The following DGKI variants were observed in gnomAD, a reference collection of about 807,000 sequenced individuals.
The protein encoded by DGKI is diacylglycerol kinase iota.
Under a neutral mutation model 147.5 loss-of-function variants are expected in DGKI, and 55 were observed. The ratio of observed to expected loss-of-function variants is 0.37; its 90% CI spans 0.30 to 0.47. The LOEUF (loss-of-function observed/expected upper bound fraction) is 0.47, where lower values mean the gene tolerates loss of function less well. DGKI is among the 20% of genes least tolerant of loss of function. The pLI, the probability that DGKI is intolerant of heterozygous loss-of-function variation, is 1.00. For synonymous variants in DGKI, 469 were observed against 477.1 expected (o/e 0.98, Z 0.22); for missense variants, 1,007 against 1,323.8 (o/e 0.76, Z 3.71).
At chr7:137,392,759 T>A (rs1439036972) in intron 32 of DGKI, among the ~76,000 whole-genome samples, 2 of 152,202 alleles carry the variant, frequency 1.3e-5, no homozygotes, top group African/African-American at 2.4e-5. Flanking sequence ...AGGTTCCAAA[T>A]ATTCAGAGAG....
chr7:137,577,380 T>C (rs1281540954), intron 16 of DGKI, 96 bp from the exon 17 acceptor site: 2 of 870,220 alleles, frequency 2.3e-6, no homozygotes, highest in East Asian at 2.6e-5. Flanking sequence ...TTCCAAAGTA[T>C]GCAAAAATTC....
chr7:137,550,858 A>G (rs1818021806), intron 20 of DGKI, among the ~76,000 whole-genome samples: 1 of 152,166 alleles, frequency 6.6e-6, no homozygotes, highest in Non-Finnish European at 1.5e-5. Context: ...AGTTTCAGAG[A>G]TGGTTTTTCA....
intron 12 of DGKI, among the ~76,000 whole-genome samples, chr7:137,596,934 T>C (rs1046392583): frequency 6.6e-6 from 1 of 152,196 alleles, no homozygotes; most frequent in Non-Finnish European, 1.5e-5. Context: ...GTAGATCCTA[T>C]GAGATCAGAT....
chr7:137,413,220 C>T (rs1399008361), intron 28 of DGKI, among the ~76,000 whole-genome samples: 6 of 146,044 alleles, frequency 4.1e-5, no homozygotes, highest in Admixed American at 1.4e-4. Flanking sequence ...GAGCGGAGAT[C>T]GCGCCACTGC....
rs188517403 is a variant in DGKI at position 137,440,528 on chromosome 7, T to C, written c.2761+3549A>G. 1.4e-3 allele frequency among the ~76,000 whole-genome samples: 207 copies of C among 152,338 alleles called. 3 individuals carry two copies. The highest frequency in any genetic ancestry group is 6.8e-3 in the Middle Eastern group (2 of 294). Reference sequence around the variant, plus strand: ...TCATGTCTTTGGTTTTCCAGGGACATGGCCGATAAAAGAGAGTTAAGAGTT... The same window carrying C: ...TCATGTCTTTGGTTTTCCAGGGACACGGCCGATAAAAGAGAGTTAAGAGTT... On this transcript the variant is annotated intron_variant, in intron 28 of 32. Coordinates refer to ENST00000614521, the MANE Select transcript of DGKI (RefSeq NM_001321708.2).
intron 15 of DGKI, among the ~76,000 whole-genome samples, chr7:137,579,357 T>C (rs1005752800): frequency 3.3e-5 from 5 of 151,888 alleles, no homozygotes; most frequent in African/African-American, 1.2e-4. Context: ...CTTATCCTGT[T>C]TTTTCTTCTA....
At chr7:137,457,375 T>A (rs1814245651) in intron 27 of DGKI, among the ~76,000 whole-genome samples, 1 of 152,234 alleles carries the variant, frequency 6.6e-6, no homozygotes, top group Non-Finnish European at 1.5e-5. Flanking sequence ...TCCAACAGTC[T>A]GTCTTCCTGT....
intron 19 of DGKI, among the ~76,000 whole-genome samples, chr7:137,558,040 C>A (rs1396502236): frequency 6.6e-6 from 1 of 152,200 alleles, no homozygotes; most frequent in African/African-American, 2.4e-5. Flanking sequence ...GCCTCCTGTA[C>A]TAAATAGCCT....
At chr7:137,557,225 T>C (rs574735431) in intron 19 of DGKI, among the ~76,000 whole-genome samples, 1 of 152,342 alleles carries the variant, frequency 6.6e-6, no homozygotes, top group South Asian at 2.1e-4. Context: ...TTGACTAATA[T>C]ACTTATAAAA....
intron 1 of DGKI, among the ~76,000 whole-genome samples, chr7:137,789,749 A>G (rs1467103651): frequency 2.6e-5 from 4 of 152,180 alleles, no homozygotes; most frequent in Non-Finnish European, 4.4e-5. Flanking sequence ...TTTGATACAC[A>G]AGCAACATTC....
chr7:137,482,263 A>G (rs1377443751), intron 23 of DGKI, among the ~76,000 whole-genome samples: 2 of 151,798 alleles, frequency 1.3e-5, no homozygotes. Flanking sequence ...GGCTTTCGTG[A>G]TACCACCTTC....
At chr7:137,549,775 G>C (rs1165746245) in intron 20 of DGKI, among the ~76,000 whole-genome samples, 1 of 152,168 alleles carries the variant, frequency 6.6e-6, no homozygotes, top group Non-Finnish European at 1.5e-5. Context: ...AAATCTAGTG[G>C]AAGACCTTAG....
At chr7:137,495,400 T>A (rs1815924653) in intron 21 of DGKI, among the ~76,000 whole-genome samples, 1 of 134,712 alleles carries the variant, frequency 7.4e-6, no homozygotes, top group African/African-American at 3.3e-5. Context: ...CTGAAACTAT[T>A]TAACAAAAAA....
intron 1 of DGKI, among the ~76,000 whole-genome samples, chr7:137,746,640 C>A (rs1196228910): frequency 1.3e-5 from 2 of 152,106 alleles, no homozygotes; most frequent in Non-Finnish European, 2.9e-5. Context: ...CATGCACAGG[C>A]TTGATTTATT....
rs192631527 is a variant in DGKI at position 137,473,169 on chromosome 7, T to A, written c.2374-3550A>T. ...GTTTTATGCCCATGCCTGACTTTTT[T>A]AATGTAGTTTGCTTTTGTTCACTTA... On this transcript the variant is annotated intron_variant, in intron 23 of 32. Coordinates refer to ENST00000614521, the MANE Select transcript of DGKI (RefSeq NM_001321708.2). Among the ~76,000 whole-genome samples the A allele has an allele frequency of 1.8e-3, 273 of 152,270 alleles. 3 individuals are homozygous for A. The highest frequency in any genetic ancestry group is 6.2e-3 in the African/African-American group (259 of 41,562).
chr7:137,557,609 A>G (rs1364157547), intron 19 of DGKI, among the ~76,000 whole-genome samples: 1 of 152,184 alleles, frequency 6.6e-6, no homozygotes, highest in African/African-American at 2.4e-5. Context: ...GAAAGGGAGG[A>G]GAGAGTAAGT....
At chr7:137,797,109 T>C (rs1797057595) in intron 1 of DGKI, among the ~76,000 whole-genome samples, 1 of 152,194 alleles carries the variant, frequency 6.6e-6, no homozygotes. Flanking sequence ...ACAGCTGACT[T>C]ATCCTAAAAC....
At chr7:137,818,223 A>G (rs1186262324) in intron 1 of DGKI, among the ~76,000 whole-genome samples, 1 of 152,244 alleles carries the variant, frequency 6.6e-6, no homozygotes, top group Admixed American at 6.5e-5. Context: ...CAAACTGCTC[A>G]TCATGTGATT....
chr7:137,846,332 G>C lies in DGKI; in HGVS notation c.401+130C>G, dbSNP rs1355210176. On this transcript the variant is annotated intron_variant, in intron 1 of 32. Transcript: ENST00000614521. The surrounding 1 kb of genome is among the most constrained non-coding windows in gnomAD (Gnocchi z 4.0). ...GAAGACAGACATCCCCGGGAGGAGAGGGGGAAAGGGGGAAGGAGAGGCGTG... is the reference window on the plus strand; with the variant it reads ...GAAGACAGACATCCCCGGGAGGAGACGGGGAAAGGGGGAAGGAGAGGCGTG... 4 of 520,434 alleles carry C rather than the reference G, an allele frequency of 7.7e-6. No homozygotes were observed. Among genetic ancestry groups the C allele is most frequent in the Non-Finnish European group, 1.3e-5 (4 of 303,130 alleles). 32.2% of individuals were successfully genotyped at this position (520,434 alleles called of 1,614,324 possible).
Sources: gnomAD v4.1 joint callset for allele counts (sites outside exome capture counted in the v4.1 genomes callset) on GRCh38, gnomAD v4.1.1 for gene constraint, Gnocchi (gnomAD v3.1) non-coding constraint, MANE v1.5 for transcripts, NCBI Gene and HGNC (gene_info 2026-07-23, HGNC 2026-07-21) for gene names.